The following PRKG1 variants were observed in gnomAD, a reference collection of about 807,000 sequenced individuals.
PRKG1 encodes the protein protein kinase cGMP-dependent 1, also known as cGMP-dependent protein kinase 1.
Under a neutral mutation model 88.1 loss-of-function variants are expected in PRKG1, and 35 were observed. That is an observed-to-expected ratio of 0.40 (90% CI 0.30 to 0.53). The LOEUF (loss-of-function observed/expected upper bound fraction) is 0.53. Ranked by LOEUF, PRKG1 falls within the 20% of genes least tolerant of loss-of-function variation. The pLI is 0.59. For missense variants in PRKG1, 540 were observed against 839.8 expected, an observed-to-expected ratio of 0.64 and a Z score of 4.41; for synonymous variants, 303 against 292.5, an observed-to-expected ratio of 1.04 and a Z score of -0.37.
chr10:51,814,657 G>A (rs1839540537), intron 4 of PRKG1, among the ~76,000 whole-genome samples: 1 of 152,114 alleles, frequency 6.6e-6, no homozygotes, highest in South Asian at 2.1e-4. Context: ...CCATTTTGTG[G>A]TAGCAGATTC....
intron 3 of PRKG1, among the ~76,000 whole-genome samples, chr10:51,682,195 G>T (rs991644021): frequency 6.6e-6 from 1 of 152,148 alleles, no homozygotes; most frequent in Non-Finnish European, 1.5e-5. Context: ...CTGTTAGAGG[G>T]TTTTTCCACA....
intron 3 of PRKG1, among the ~76,000 whole-genome samples, chr10:51,684,717 C>G (rs990162987): frequency 6.6e-6 from 1 of 151,846 alleles, no homozygotes. Flanking sequence ...AATACAAAAA[C>G]TTAGCTGGGC....
intron 7 of PRKG1, chr10:52,081,474 A>C (rs551472505): frequency 9.5e-6 from 4 of 419,862 alleles, no homozygotes; most frequent in African/African-American, 8.1e-5. Context: ...TCCCCTCCTC[A>C]CACCACCTAG....
intron 3 of PRKG1, among the ~76,000 whole-genome samples, chr10:51,719,612 A>T (rs915453835): frequency 6.6e-6 from 1 of 152,218 alleles, no homozygotes; most frequent in Non-Finnish European, 1.5e-5. Context: ...CCTCAAACAG[A>T]AAAAGGATAT....
chr10:51,884,399 C>G (rs1459605373), intron 4 of PRKG1, among the ~76,000 whole-genome samples: 2 of 127,400 alleles, frequency 1.6e-5, no homozygotes, highest in Non-Finnish European at 3.2e-5. Flanking sequence ...GAGTCGAGAT[C>G]GCGCCACTGC....
intron 4 of PRKG1, among the ~76,000 whole-genome samples, chr10:51,854,667 A>G (rs1186407050): frequency 6.6e-6 from 1 of 152,176 alleles, no homozygotes; most frequent in Non-Finnish European, 1.5e-5. Context: ...CTACATAAGC[A>G]TGAATTAGTT....
At chr10:51,678,495 G>A (rs1048518151) in intron 3 of PRKG1, among the ~76,000 whole-genome samples, 2 of 152,068 alleles carry the variant, frequency 1.3e-5, no homozygotes, top group African/African-American at 4.8e-5. Flanking sequence ...AGGAATCCTT[G>A]TTTTTGATAA....
At chr10:51,330,188 T>C (rs1331343894) in intron 2 of PRKG1, among the ~76,000 whole-genome samples, 1 of 150,900 alleles carries the variant, frequency 6.6e-6, no homozygotes, top group Non-Finnish European at 1.5e-5. Context: ...TCTCACTCTG[T>C]TGCTCAGGCT....
At chr10:51,561,965 A>G (rs1037407175) in intron 3 of PRKG1, among the ~76,000 whole-genome samples, 8 of 152,074 alleles carry the variant, frequency 5.3e-5, no homozygotes, top group South Asian at 2.1e-4. Flanking sequence ...ACTCATGCCT[A>G]TAATTTTAGC....
chr10:52,171,786 A>AATTTTT (rs1172317696), intron 9 of PRKG1, among the ~76,000 whole-genome samples: 1 of 93,860 alleles, frequency 1.1e-5, no homozygotes, highest in African/African-American at 4.3e-5. Context: ...TTTTATCAAA[A>AATTTTT]TTTTTTTTTT....
chr10:51,265,846 G>C (rs1839823672), intron 2 of PRKG1, among the ~76,000 whole-genome samples: 1 of 152,178 alleles, frequency 6.6e-6, no homozygotes, highest in Admixed American at 6.5e-5. Flanking sequence ...AGGGAGGAAA[G>C]GGCACATCCA....
intron 1 of PRKG1, among the ~76,000 whole-genome samples, chr10:51,133,362 TTGA>T (rs1178437558): frequency 9.2e-5 from 14 of 152,166 alleles, no homozygotes; most frequent in African/African-American, 3.1e-4. Flanking sequence ...CTCTTACAAT[TTGA>T]TGATAACCAC....
chr10:51,805,396 A>G (rs936162703), intron 4 of PRKG1, among the ~76,000 whole-genome samples: 5 of 151,978 alleles, frequency 3.3e-5, no homozygotes, highest in South Asian at 4.1e-4. Context: ...ATTTTATTTT[A>G]AAGAAAATAT....
intron 5 of PRKG1, among the ~76,000 whole-genome samples, chr10:51,922,209 T>A (rs1239589639): frequency 6.6e-6 from 1 of 151,598 alleles, no homozygotes; most frequent in Non-Finnish European, 1.5e-5. Flanking sequence ...TTTTTTTTTA[T>A]TTTTTGTTAA....
chr10:52,174,303 A>G (rs186095380), intron 9 of PRKG1, among the ~76,000 whole-genome samples: 86 of 152,082 alleles, frequency 5.7e-4, no homozygotes, highest in African/African-American at 1.9e-3. Context: ...AAGGCCATTG[A>G]AGAAGTAACA....
chr10:51,729,413 G>A (rs1842216458), intron 3 of PRKG1, among the ~76,000 whole-genome samples: 1 of 151,960 alleles, frequency 6.6e-6, no homozygotes, highest in East Asian at 1.9e-4. Context: ...TAACCCAAAA[G>A]CCACTGTCAA....
intron 2 of PRKG1, among the ~76,000 whole-genome samples, chr10:51,283,316 A>G (rs552616272): frequency 6.6e-6 from 1 of 152,262 alleles, no homozygotes; most frequent in Non-Finnish European, 1.5e-5. Flanking sequence ...AGTTACTTGG[A>G]AATGTTTTTC....
At chr10:51,752,964 T>A (rs1837764761) in intron 3 of PRKG1, among the ~76,000 whole-genome samples, 1 of 152,164 alleles carries the variant, frequency 6.6e-6, no homozygotes, top group Non-Finnish European at 1.5e-5. Flanking sequence ...ATGGTCATTA[T>A]GTATTGCTGT....
chr10:52,026,892 G>C (rs1251394539), intron 5 of PRKG1, among the ~76,000 whole-genome samples: 1 of 152,198 alleles, frequency 6.6e-6, no homozygotes, highest in Admixed American at 6.5e-5. Flanking sequence ...GGAGAATGGC[G>C]TGAACCCGGG....
Sources: allele counts gnomAD v4.1 joint callset (sites outside exome capture counted in the v4.1 genomes callset), GRCh38; gene constraint gnomAD v4.1.1; transcripts MANE v1.5; gene names NCBI Gene and HGNC (gene_info 2026-07-23, HGNC 2026-07-21).